The following LYSMD4 variants were observed in gnomAD, a reference collection of about 807,000 sequenced individuals.
LYSMD4 encodes LysM domain containing 4, also known as lysM and putative peptidoglycan-binding domain-containing protein 4.
Under a neutral mutation model 6.1 loss-of-function variants are expected in LYSMD4, and 9 were observed. The observed-to-expected ratio is 1.47, with a 90% CI of 0.88 to 2.56. The LOEUF is 2.56. Among genes scored for constraint, LYSMD4 ranks in the 30% most tolerant of loss-of-function variants. The pLI is 0.00. For missense variants in LYSMD4, 384 were observed against 373.5 expected, an observed-to-expected ratio of 1.03 and a Z score of -0.23; for synonymous variants, 143 against 148.5, an observed-to-expected ratio of 0.96 and a Z score of 0.27.
chr15:99,717,958 A>G (rs1416052455), upstream of LYSMD4: 4 of 152,244 alleles, frequency 2.6e-5, no homozygotes, highest in African/African-American at 9.6e-5. Context: ...TGGTTTCCAC[A>G]TATCCCTCAG....
In LYSMD4 at chr15:99,729,242, G is replaced by A; in HGVS notation, c.772C>T (p.Pro258Ser). 1 of 1,614,220 alleles carries A rather than the reference G, an allele frequency of 6.2e-7. No individual in the cohort carries two copies. Among genetic ancestry groups the A allele is most frequent in the Non-Finnish European group, 8.5e-7 (1 of 1,180,040 alleles). Residue 258 changes from proline (P) to serine (S), a missense_variant, in exon 3 of 3, where the codon CCC becomes TCC. Coordinates refer to ENST00000684762, the MANE Select transcript of LYSMD4 (RefSeq NM_001284417.2). The stretch of plus-strand genomic sequence containing the variant: ...GTACCCATTGCCATCGAGCCATTGG[G>A]GATGACAGTTGTGTTCAAGCTATTA... ...TPNSLNTTVI[P>S]NGSMAMGTVP...
chr15:99,733,390 C>A lies in LYSMD4; in HGVS notation c.-54G>T. On this transcript the variant is annotated 5_prime_UTR_variant, in exon 1 of 3. Transcript: ENST00000684762. Reference sequence around the variant, plus strand: ...GCGACCGGCGACCGGCGACTCGCGACCCGCGACCCGCGACCCGCAGCTGCC... The same window carrying A: ...GCGACCGGCGACCGGCGACTCGCGAACCGCGACCCGCGACCCGCAGCTGCC... 1 of 393,968 alleles carries A rather than the reference C, an allele frequency of 2.5e-6. No individual in the cohort carries two copies. The highest frequency in any genetic ancestry group is 4.5e-6 in the Non-Finnish European group (1 of 223,336). The allele number at this position is 393,968 out of a possible 1,614,324, so 24.4% of individuals were successfully genotyped here.
At chr15:99,726,105 C>G (rs1266091574), downstream of LYSMD4, among the ~76,000 whole-genome samples, 1 of 148,238 alleles carries the variant, frequency 6.7e-6, no homozygotes, top group East Asian at 2.0e-4. Flanking sequence ...GCTCGTTGGG[C>G]CTTTCCCACA....
exon 1 of LYSMD4, chr15:99,716,316 T>G (rs2059145421): frequency 2.9e-6 from 1 of 349,098 alleles, no homozygotes; most frequent in African/African-American, 2.1e-5. Flanking sequence ...GAGATGAACC[T>G]TTTAAGAAAA....
chr15:99,729,822 G>GAT, intron 2 of LYSMD4, 91 bp from the exon 3 acceptor site: 1 of 1,424,290 alleles, frequency 7.0e-7, no homozygotes, highest in Non-Finnish European at 9.3e-7. Flanking sequence ...TCTGGGTGAT[G>GAT]ATTCAAGCCC....
chr15:99,731,504 G>T, intron 2 of LYSMD4: 1 of 1,579,654 alleles, frequency 6.3e-7, no homozygotes, highest in Admixed American at 2.0e-5. Context: ...AAAGAAATGC[G>T]CTAACCCTCC....
rs1175069071 is a variant in LYSMD4, at chr15:99,733,390, CCCGCGACCCGCGACCCGCAGCTGCCA to C, written c.-80_-55del. 7 of 393,858 alleles carry C rather than the reference CCCGCGACCCGCGACCCGCAGCTGCCA, an allele frequency of 1.8e-5. No homozygotes were observed. Among genetic ancestry groups the C allele is most frequent in the Non-Finnish European group, 3.1e-5 (7 of 223,346 alleles). 24.4% of individuals were successfully genotyped at this position (393,858 alleles called of 1,614,324 possible). A position where few individuals can be genotyped will look rare whatever the true frequency, so the allele number is the denominator to read the frequency against. On this transcript the variant is annotated 5_prime_UTR_variant, in exon 1 of 3. Transcript: ENST00000684762. ...GCGACCGGCGACCGGCGACTCGCGA[CCCGCGACCCGCGACCCGCAGCTGCCA>C]CCGCGCCTGCGGATTGGCTACGAAC...
chr15:99,720,291 G>C (rs112490508), upstream of LYSMD4, among the ~76,000 whole-genome samples: 324 of 152,288 alleles, frequency 2.1e-3, 2 homozygotes, highest in African/African-American at 7.5e-3. Flanking sequence ...TTTGGAGTTT[G>C]TTCTTGTATG....
In LYSMD4 at chr15:99,731,885, A is replaced by T; in HGVS notation, c.115T>A (p.Ser39Thr). The T allele has an allele frequency of 1.9e-6, 3 of 1,613,602 alleles. No individual in the cohort carries two copies. Among genetic ancestry groups the T allele is most frequent in the Non-Finnish European group, 2.5e-6 (3 of 1,180,028 alleles). Residue 39 changes from serine (S) to threonine (T), a missense_variant, in exon 2 of 3, where the codon TCT becomes ACT. Coordinates refer to ENST00000684762, the MANE Select transcript of LYSMD4 (RefSeq NM_001284417.2). ...ACCACACGGTGAGACTCTTCTTCAG[A>T]AGAGTCCCCCGAGTCCCCACTGCCA... The part of the protein sequence containing the change: ...KNGSGDSGDS[S>T]EEESHRVVLR...
At position 99,728,880 on chromosome 15, in the gene LYSMD4, A is replaced by G. The variant is rs2059332283; in HGVS notation, c.*243T>C. 5 of 551,460 alleles carry G rather than the reference A, an allele frequency of 9.1e-6. No individual in the cohort carries two copies. The South Asian group carries it at 1.1e-4, about 12-fold the overall frequency. 34.2% of individuals were successfully genotyped at this position (551,460 alleles called of 1,614,324 possible). On this transcript the variant is annotated 3_prime_UTR_variant, in exon 3 of 3. Coordinates refer to ENST00000684762, the MANE Select transcript of LYSMD4 (RefSeq NM_001284417.2). ...GCCAGTCCACTAAATGTCACAGGGA[A>G]ATGGCTCTCTTGCTGCACCTCTCTG...
At chr15:99,731,630 A>T in intron 2 of LYSMD4, 88 bp downstream of exon 2, 1 of 1,522,540 alleles carries the variant, frequency 6.6e-7, no homozygotes, top group South Asian at 1.3e-5. Flanking sequence ...TGGCAGGGTT[A>T]AGAAGGGCGG....
chr15:99,726,146 GTTTTTTT>G (rs10637642), downstream of LYSMD4, among the ~76,000 whole-genome samples: 1 of 62,184 alleles, frequency 1.6e-5, no homozygotes, highest in Non-Finnish European at 2.9e-5. Flanking sequence ...GTCTCAAGTG[GTTTTTTT>G]TTTTTTTTTT....
chr15:99,728,989 T>C lies in LYSMD4; in HGVS notation c.*134A>G. On this transcript the variant is annotated 3_prime_UTR_variant, in exon 3 of 3. Coordinates refer to ENST00000684762, the MANE Select transcript of LYSMD4 (RefSeq NM_001284417.2). ...TGCCCAGGGCCAGTGCAATTGGGAA[T>C]ACTGCAGTGACTTCTGAAAAGTGTC... 8.0e-7 allele frequency: 1 copy of C among 1,245,940 alleles called. No individual in the cohort carries two copies. The highest frequency in any genetic ancestry group is 1.4e-5 in the South Asian group (1 of 72,304). The allele number at this position is 1,245,940 out of a possible 1,614,324, so 77.2% of individuals were successfully genotyped here. A position where few individuals can be genotyped will look rare whatever the true frequency, so the allele number is the denominator to read the frequency against.
intron 2 of LYSMD4, chr15:99,731,146 C>T (rs1405096226): frequency 6.2e-7 from 1 of 1,606,034 alleles, no homozygotes; most frequent in Non-Finnish European, 8.5e-7. Context: ...GAAAATGCAG[C>T]AATTCTAGAA....
upstream of LYSMD4, among the ~76,000 whole-genome samples, chr15:99,718,085 C>T (rs770169029): frequency 6.6e-6 from 1 of 152,158 alleles, no homozygotes; most frequent in Non-Finnish European, 1.5e-5. Flanking sequence ...CCATTTTTTC[C>T]ACTCATGCCT....
exon 1 of LYSMD4, chr15:99,715,908 A>C (rs546931305): frequency 6.9e-4 from 106 of 152,586 alleles, no homozygotes; most frequent in African/African-American, 2.5e-3. Context: ...TTATAGACTA[A>C]ATCAGGGGTT....
At chr15:99,731,352 G>C (rs747797437) in intron 2 of LYSMD4, 2 of 1,611,678 alleles carry the variant, frequency 1.2e-6, no homozygotes, top group Non-Finnish European at 1.7e-6. Context: ...AGAAAAGCAA[G>C]CATACCATAG....
upstream of LYSMD4, among the ~76,000 whole-genome samples, chr15:99,721,128 C>A (rs2059234317): frequency 2.0e-5 from 3 of 152,142 alleles, no homozygotes; most frequent in Non-Finnish European, 4.4e-5. Flanking sequence ...TGATTCTTTT[C>A]TATATGTGAT....
At chr15:99,719,359 T>C (rs971434571), upstream of LYSMD4, among the ~76,000 whole-genome samples, 4 of 152,168 alleles carry the variant, frequency 2.6e-5, no homozygotes, top group Admixed American at 2.0e-4. Context: ...GGTGTATGAA[T>C]AGTATCTGAA....
Sources: allele counts gnomAD v4.1 joint callset (sites outside exome capture counted in the v4.1 genomes callset), GRCh38; gene constraint gnomAD v4.1.1; transcripts MANE v1.5; gene names NCBI Gene and HGNC (gene_info 2026-07-23, HGNC 2026-07-21).